The following PPARGC1A variants were observed in gnomAD, a reference collection of about 807,000 sequenced individuals.
The protein encoded by PPARGC1A is peroxisome proliferator-activated receptor gamma coactivator 1-alpha.
PPARGC1A carries 25 observed loss-of-function variants against 88.7 expected under a neutral mutation model. The observed-to-expected ratio is 0.28, with a 90% CI of 0.21 to 0.39. PPARGC1A has a LOEUF of 0.39. Ranked by LOEUF, PPARGC1A falls within the 10% of genes least tolerant of loss-of-function variation. PPARGC1A has a pLI of 1.00. For missense variants in PPARGC1A, 880 were observed against 968.7 expected (o/e 0.91, Z 1.22); for synonymous variants, 363 against 355.6 (o/e 1.02, Z -0.24).
the PPARGC1A span, among the ~76,000 whole-genome samples, chr4:23,973,413 T>G: frequency 3.9e-5 from 6 of 152,244 alleles, no homozygotes; most frequent in Non-Finnish European, 8.8e-5. Context: ...GGCAGTCTTA[T>G]CAGCATTGGA....
the PPARGC1A span, among the ~76,000 whole-genome samples, chr4:24,161,789 C>A: frequency 6.6e-6 from 1 of 152,076 alleles, no homozygotes; most frequent in South Asian, 2.1e-4. Flanking sequence ...CTGCATCAGG[C>A]AGTAGGAGAC....
At chr4:24,212,236 C>T in the PPARGC1A span, among the ~76,000 whole-genome samples, 2 of 152,154 alleles carry the variant, frequency 1.3e-5, no homozygotes, top group Admixed American at 6.5e-5. Flanking sequence ...CATTGTTTAC[C>T]GATCATGCAG....
At chr4:23,935,370 A>T in the PPARGC1A span, among the ~76,000 whole-genome samples, 1 of 152,202 alleles carries the variant, frequency 6.6e-6, no homozygotes, top group Non-Finnish European at 1.5e-5. Context: ...TTATATACTA[A>T]TTTTGGCTAT....
chr4:23,867,356 A>G (rs7438250), intron 2 of PPARGC1A, among the ~76,000 whole-genome samples: 31,220 of 152,198 alleles, frequency 0.21, 3,475 homozygotes, highest in African/African-American at 0.28. Flanking sequence ...ATTAGTGCCT[A>G]GCATGTAGTT....
intron 2 of PPARGC1A, 130 bp downstream of exon 2, chr4:23,884,622 T>C (rs1038771776): frequency 2.8e-6 from 2 of 715,240 alleles, no homozygotes; most frequent in South Asian, 7.0e-5. Flanking sequence ...TTAGAAAGTA[T>C]GTAACTGTGA....
At chr4:23,992,151 A>C in the PPARGC1A span, among the ~76,000 whole-genome samples, 1 of 152,040 alleles carries the variant, frequency 6.6e-6, no homozygotes, top group East Asian at 1.9e-4. Context: ...ATATTTCCTT[A>C]CATCTGTCCC....
chr4:23,918,936 GTCTC>G, the PPARGC1A span, among the ~76,000 whole-genome samples: 1 of 151,916 alleles, frequency 6.6e-6, no homozygotes, highest in African/African-American at 2.4e-5. Flanking sequence ...TCCTCTACTA[GTCTC>G]TCTGTTTATT....
chr4:24,179,276 G>GC, the PPARGC1A span, among the ~76,000 whole-genome samples: 1 of 152,060 alleles, frequency 6.6e-6, no homozygotes, highest in Non-Finnish European at 1.5e-5. Context: ...AATTGCAAAA[G>GC]TAAAAAATAA....
At chr4:24,435,627 C>T in the PPARGC1A span, among the ~76,000 whole-genome samples, 1 of 152,224 alleles carries the variant, frequency 6.6e-6, no homozygotes. Context: ...ACTGCCTCAC[C>T]TTTGAATCCC....
At chr4:24,235,054 T>G in the PPARGC1A span, among the ~76,000 whole-genome samples, 2 of 152,136 alleles carry the variant, frequency 1.3e-5, no homozygotes, top group Non-Finnish European at 2.9e-5. Context: ...AGGACACCAG[T>G]AATCTTATTT....
At chr4:23,887,501 G>A (rs79936066) in intron 1 of PPARGC1A, among the ~76,000 whole-genome samples, 3,685 of 152,252 alleles carry the variant, frequency 0.024, 82 homozygotes, top group Non-Finnish European at 0.039. Flanking sequence ...ACATTCTACT[G>A]CCTCTTTGCA....
At chr4:23,979,281 T>C in the PPARGC1A span, among the ~76,000 whole-genome samples, 2 of 152,218 alleles carry the variant, frequency 1.3e-5, no homozygotes, top group Admixed American at 1.3e-4. Flanking sequence ...CAAAATACTT[T>C]GAAATATCAA....
the PPARGC1A span, among the ~76,000 whole-genome samples, chr4:24,443,021 C>T: frequency 6.6e-5 from 10 of 152,068 alleles, no homozygotes; most frequent in Non-Finnish European, 1.3e-4. Context: ...CTGCCATTTC[C>T]TAGGAGCGCC....
the PPARGC1A span, among the ~76,000 whole-genome samples, chr4:24,159,489 G>A: frequency 6.6e-5 from 10 of 152,026 alleles, no homozygotes; most frequent in Admixed American, 3.9e-4. Flanking sequence ...GATTACAGGC[G>A]TGAGCCACTG....
At chr4:23,902,062 A>G (rs917814732), upstream of PPARGC1A, among the ~76,000 whole-genome samples, 1 of 152,156 alleles carries the variant, frequency 6.6e-6, no homozygotes, top group Non-Finnish European at 1.5e-5. Context: ...CTGGAATTTC[A>G]ATCTGAATAC....
chr4:24,325,733 A>G, the PPARGC1A span, among the ~76,000 whole-genome samples: 99 of 152,118 alleles, frequency 6.5e-4, no homozygotes, highest in Non-Finnish European at 1.2e-3. Context: ...CCGAGCTTTG[A>G]GTAACTCTCA....
chr4:23,874,382 T>C (rs1714245714), intron 2 of PPARGC1A, among the ~76,000 whole-genome samples: 1 of 152,194 alleles, frequency 6.6e-6, no homozygotes, highest in Non-Finnish European at 1.5e-5. Context: ...ATGACCTATG[T>C]GAAAGCAGGC....
chr4:24,243,665 T>C, the PPARGC1A span, among the ~76,000 whole-genome samples: 1 of 152,182 alleles, frequency 6.6e-6, no homozygotes, highest in Non-Finnish European at 1.5e-5. Context: ...CTGTACAATA[T>C]AGGTGTGAAG....
chr4:23,798,547 T>A (rs929230413), intron 12 of PPARGC1A, among the ~76,000 whole-genome samples: 1 of 152,210 alleles, frequency 6.6e-6, no homozygotes, highest in Non-Finnish European at 1.5e-5. Flanking sequence ...ATACAATACA[T>A]TCATTTCAGT....
Sources: allele counts gnomAD v4.1 joint callset (sites outside exome capture counted in the v4.1 genomes callset), GRCh38; gene constraint gnomAD v4.1.1; transcripts MANE v1.5; gene names NCBI Gene and HGNC (gene_info 2026-07-23, HGNC 2026-07-21).